Variants in SLIT2 observed in about 807,000 individuals in gnomAD.
SLIT2 encodes the protein slit guidance ligand 2, also known as slit homolog 2 protein.
SLIT2 carries 41 observed loss-of-function variants against 185.7 expected under a neutral mutation model. The ratio of observed to expected loss-of-function variants is 0.22; its 90% confidence interval spans 0.17 to 0.29. SLIT2 has a LOEUF of 0.29. Among genes scored for constraint, SLIT2 ranks in the 10% least tolerant of loss-of-function variants. SLIT2 has a pLI of 1.00. For missense variants in SLIT2, 1,571 were observed against 1,909.0 expected (o/e 0.82, Z 3.30); for synonymous variants, 693 against 680.2 (o/e 1.02, Z -0.29).
At chr4:20,452,912 CA>C (rs1336969127) in intron 4 of SLIT2, among the ~76,000 whole-genome samples, 1 of 152,148 alleles carries the variant, frequency 6.6e-6, no homozygotes, top group Non-Finnish European at 1.5e-5. Flanking sequence ...CATGAGGGCC[CA>C]CCCAGGGTAG....
intron 4 of SLIT2, among the ~76,000 whole-genome samples, chr4:20,371,518 G>T (rs768839007): frequency 6.6e-6 from 1 of 152,010 alleles, no homozygotes; most frequent in East Asian, 1.9e-4. Flanking sequence ...TCCTGGGGCC[G>T]CTCTGCTCTC....
chr4:20,263,416 G>A (rs1188132247), intron 3 of SLIT2, among the ~76,000 whole-genome samples: 1 of 151,724 alleles, frequency 6.6e-6, no homozygotes, highest in Non-Finnish European at 1.5e-5. Flanking sequence ...GACAGTTCTG[G>A]AGCATTGGCT....
At chr4:20,542,754 A>T (rs1722912212) in intron 21 of SLIT2, 128 bp downstream of exon 21, 1 of 996,302 alleles carries the variant, frequency 1.0e-6, no homozygotes, top group African/African-American at 1.6e-5. Flanking sequence ...GTTAATTATT[A>T]TCCTGTAAAA....
Position 20,595,711 on chromosome 4 carries a change from C to T in SLIT2, c.3197C>T (p.Pro1066Leu), listed in dbSNP as rs768950790. The T allele has an allele frequency of 7.4e-6, 12 of 1,613,916 alleles. No individual in the cohort carries two copies. The highest frequency in any genetic ancestry group is 1.0e-5 in the Non-Finnish European group (12 of 1,179,892). ...TPKGFKCDCT[P>L]GYVGEHCDID... ...TGTTCCAACAGATGTGACTGCACAC[C>T]AGGGTACGTAGGTGAACACTGCGAC... Residue 1066 changes from proline to leucine, a missense_variant, in exon 31 of 37, where the codon CCA (proline) becomes CTA (leucine). Pro to Leu is a moderately conservative substitution (Grantham distance 98, BLOSUM62 -3). This residue lies in a region of SLIT2 where 1,202 missense variants were observed against 1,416.4 expected (regional missense o/e 0.85). Coordinates refer to ENST00000504154, the MANE Select transcript of SLIT2 (RefSeq NM_004787.4).
chr4:20,523,210 A>G (rs757436608), intron 12 of SLIT2, among the ~76,000 whole-genome samples: 9 of 152,138 alleles, frequency 5.9e-5, no homozygotes, highest in Non-Finnish European at 1.2e-4. Context: ...GGAGGAGAGA[A>G]CTGGGAAGAT....
At chr4:20,612,030 C>A (rs1223912128) in intron 34 of SLIT2, among the ~76,000 whole-genome samples, 1 of 151,982 alleles carries the variant, frequency 6.6e-6, no homozygotes, top group Non-Finnish European at 1.5e-5. Flanking sequence ...TCATTAGAAT[C>A]CACTTCATTA....
At position 20,568,895 on chromosome 4, in the gene SLIT2, A is replaced by G; in HGVS notation, c.2979A>G (p.Glu993=). Residue 993 remains glutamate (E), a synonymous_variant, in exon 29 of 37, where the codon GAA becomes GAG. Transcript: ENST00000504154. ...TTTGTGCTGATGGATTTGAAGGAGA[A>G]AATTGTGAAGTCAACGTTGATGATT... ...WCICADGFEG[E]NCEVNVDDCE... is the part of the protein sequence containing the mutation. The G allele has an allele frequency of 6.2e-7, 1 of 1,612,434 alleles. No individual in the cohort carries two copies. The highest frequency in any genetic ancestry group is 8.5e-7 in the Non-Finnish European group (1 of 1,178,804).
chr4:20,606,982 A>C (rs906121345), intron 33 of SLIT2, among the ~76,000 whole-genome samples: 3 of 152,204 alleles, frequency 2.0e-5, no homozygotes, highest in African/African-American at 7.2e-5. Flanking sequence ...AATTAAGAGC[A>C]CATACACTTG....
At chr4:20,579,846 T>C (rs1400459848) in intron 29 of SLIT2, among the ~76,000 whole-genome samples, 1 of 151,472 alleles carries the variant, frequency 6.6e-6, no homozygotes, top group Non-Finnish European at 1.5e-5. Flanking sequence ...AAAAAATTAC[T>C]ATAGTTAAGA....
At chr4:20,320,987 A>C (rs1719029100) in intron 4 of SLIT2, among the ~76,000 whole-genome samples, 1 of 152,146 alleles carries the variant, frequency 6.6e-6, no homozygotes, top group Non-Finnish European at 1.5e-5. Context: ...AACGTGGTGA[A>C]ATCCTGTCTC....
intron 30 of SLIT2, 96 bp from the exon 31 acceptor site, chr4:20,595,601 T>A: frequency 6.8e-7 from 1 of 1,466,604 alleles, no homozygotes; most frequent in Non-Finnish European, 9.4e-7. Flanking sequence ...TCTAAATAAG[T>A]ATTTTAAAGA....
At chr4:20,377,038 A>T (rs913876629) in intron 4 of SLIT2, among the ~76,000 whole-genome samples, 4 of 152,252 alleles carry the variant, frequency 2.6e-5, no homozygotes, top group African/African-American at 9.6e-5. Flanking sequence ...AAAGTAAAAA[A>T]AATAAAAAGA....
At chr4:20,260,760 A>G (rs1712365967) in intron 3 of SLIT2, among the ~76,000 whole-genome samples, 1 of 151,892 alleles carries the variant, frequency 6.6e-6, no homozygotes, top group African/African-American at 2.4e-5. Context: ...GCAAATCAAA[A>G]CATTATAGCT....
In SLIT2 at chr4:20,331,075, T is replaced by C. The variant is rs533275682; in HGVS notation, c.395+62194T>C. 3.9e-5 allele frequency among the ~76,000 whole-genome samples: 6 copies of C among 152,230 alleles called. No homozygotes were observed. In the South Asian group the frequency reaches 1.0e-3, roughly 26 times the overall value. On this transcript the variant is annotated intron_variant, in intron 4 of 36. Coordinates refer to ENST00000504154, the MANE Select transcript of SLIT2 (RefSeq NM_004787.4). ...TTTATTGAGGAAGGACACATGACTGTGTTGTAAAGTGATTCTGCAAATTTG... is the reference window on the plus strand; with the variant it reads ...TTTATTGAGGAAGGACACATGACTGCGTTGTAAAGTGATTCTGCAAATTTG...
At chr4:20,420,430 A>C (rs1459443165) in intron 4 of SLIT2, among the ~76,000 whole-genome samples, 1 of 152,202 alleles carries the variant, frequency 6.6e-6, no homozygotes, top group African/African-American at 2.4e-5. Context: ...GCCAGTTACT[A>C]TGCAGACACT....
chr4:20,337,364 C>T lies in SLIT2; in HGVS notation c.395+68483C>T, dbSNP rs1175648042. ...ATGTCATGAGATGTATTCACTATCA[C>T]AAGAACAGCACAGGAAGGACCTGCC... On this transcript the variant is annotated intron_variant, in intron 4 of 36. Coordinates refer to ENST00000504154, the MANE Select transcript of SLIT2 (RefSeq NM_004787.4). Among the ~76,000 whole-genome samples, 3 of 152,004 alleles carry T rather than the reference C, an allele frequency of 2.0e-5. No homozygotes were observed. The South Asian group carries it at 6.2e-4, about 32-fold the overall frequency.
intron 9 of SLIT2, among the ~76,000 whole-genome samples, chr4:20,503,420 T>G (rs1427261711): frequency 6.6e-6 from 1 of 152,192 alleles, no homozygotes; most frequent in African/African-American, 2.4e-5. Context: ...GTGTCTAAAA[T>G]TTTTGTTATT....
intron 29 of SLIT2, among the ~76,000 whole-genome samples, chr4:20,573,956 T>G (rs1016120987): frequency 6.6e-6 from 1 of 150,574 alleles, no homozygotes; most frequent in African/African-American, 2.4e-5. Context: ...ATTTATTTAT[T>G]TATTTATTTA....
chr4:20,435,465 T>TA (rs1487618403), intron 4 of SLIT2, among the ~76,000 whole-genome samples: 17 of 152,214 alleles, frequency 1.1e-4, no homozygotes, highest in South Asian at 2.1e-4. Context: ...AGATTAGTGT[T>TA]AAAAAAACTG....
Sources: allele counts gnomAD v4.1 joint callset (sites outside exome capture counted in the v4.1 genomes callset), GRCh38; gene constraint gnomAD v4.1.1; regional missense constraint gnomAD v4.1.1; transcripts MANE v1.5; gene names NCBI Gene and HGNC (gene_info 2026-07-23, HGNC 2026-07-21).